GDNF: variants seen among roughly 807,000 people sequenced by gnomAD.
GDNF encodes the protein glial cell derived neurotrophic factor.
GDNF carries 5 observed loss-of-function variants against 13.7 expected under a neutral mutation model. The observed-to-expected ratio is 0.36, with a 90% CI of 0.19 to 0.77. GDNF has a LOEUF of 0.77. GDNF is among the 30% of genes least tolerant of loss of function. The pLI is 0.51. For synonymous variants in GDNF, 122 were observed against 112.5 expected (o/e 1.08, Z -0.53); for missense variants, 246 against 274.3 (o/e 0.90, Z 0.73).
intron 2 of GDNF, among the ~76,000 whole-genome samples, chr5:37,827,064 G>T (rs1750348648): frequency 6.6e-6 from 1 of 152,126 alleles, no homozygotes; most frequent in South Asian, 2.1e-4. Context: ...TAAACTGAAG[G>T]GTAGTCTGGG....
In GDNF at chr5:37,834,622, C is replaced by A. The variant is rs79273689; in HGVS notation, c.151+24G>T. Reference sequence around the variant, plus strand: ...GCGAGGGGGTCCGCCGGCGGCCCCCCCGCGGGGAGGGAACGGTTCTTACAG... The same window carrying A: ...GCGAGGGGGTCCGCCGGCGGCCCCCACGCGGGGAGGGAACGGTTCTTACAG... On this transcript the variant is annotated intron_variant, in intron 2 of 2. Coordinates refer to ENST00000326524, the MANE Select transcript of GDNF (RefSeq NM_000514.4). 418 of 1,478,928 alleles carry A rather than the reference C, an allele frequency of 2.8e-4. No homozygotes were observed. In the African/African-American group the frequency reaches 5.5e-3, roughly 19 times the overall value. The allele number at this position is 1,478,928 out of a possible 1,614,324, so 91.6% of individuals were successfully genotyped here. A position where few individuals can be genotyped will look rare whatever the true frequency, so the allele number is the denominator to read the frequency against.
At chr5:37,825,376 T>G (rs1471001367) in intron 2 of GDNF, among the ~76,000 whole-genome samples, 1 of 152,128 alleles carries the variant, frequency 6.6e-6, no homozygotes, top group African/African-American at 2.4e-5. Context: ...TCCCCCTGGG[T>G]GGAAAGTGTC....
chr5:37,831,431 T>C (rs56000387), intron 2 of GDNF, among the ~76,000 whole-genome samples: 9,072 of 152,340 alleles, frequency 0.06, 399 homozygotes, highest in Non-Finnish European at 0.092. Flanking sequence ...TAAAACCACA[T>C]GCATTTTATG....
rs1581571046 is a variant in GDNF, at chr5:37,812,722, T to C, written c.*2929A>G. The C allele has an allele frequency of 6.6e-6, 1 of 152,206 alleles. No individual in the cohort carries two copies. The highest frequency in any genetic ancestry group is 2.4e-5 in the African/African-American group (1 of 41,446). The allele number at this position is 152,206 out of a possible 1,614,324, so 9.4% of individuals were successfully genotyped here. A position where few individuals can be genotyped will look rare whatever the true frequency, so the allele number is the denominator to read the frequency against. On this transcript the variant is annotated 3_prime_UTR_variant, in exon 3 of 3. Coordinates refer to ENST00000326524, the MANE Select transcript of GDNF (RefSeq NM_000514.4). ...TTTGTAAAAAGTTACAAAATGATAT[T>C]GTACAAAAATAAAGTCTGTAGAGAA...
chr5:37,835,335 T>C, intron 1 of GDNF: 1 of 716,436 alleles, frequency 1.4e-6, no homozygotes, highest in Non-Finnish European at 2.1e-6. Flanking sequence ...CGCATTCCCC[T>C]GCCTCGGGTC....
At chr5:37,819,040 G>A (rs1472128142) in intron 2 of GDNF, among the ~76,000 whole-genome samples, 1 of 152,190 alleles carries the variant, frequency 6.6e-6, no homozygotes, top group African/African-American at 2.4e-5. Flanking sequence ...CCAAGAGGCA[G>A]GAACTCTGTC....
chr5:37,833,331 G>T (rs948869988), intron 2 of GDNF, among the ~76,000 whole-genome samples: 2 of 152,148 alleles, frequency 1.3e-5, no homozygotes, highest in Non-Finnish European at 2.9e-5. Flanking sequence ...ATTTGTGATG[G>T]AAATAAAAGC....
intron 2 of GDNF, among the ~76,000 whole-genome samples, chr5:37,820,508 C>T (rs1750095179): frequency 6.6e-6 from 1 of 152,178 alleles, no homozygotes; most frequent in Non-Finnish European, 1.5e-5. Flanking sequence ...ATAGTGAATA[C>T]ACGTCATAGC....
chr5:37,826,749 G>A (rs1185595031), intron 2 of GDNF, among the ~76,000 whole-genome samples: 1 of 152,200 alleles, frequency 6.6e-6, no homozygotes, highest in East Asian at 1.9e-4. Flanking sequence ...CATGTGCCAT[G>A]TCCTAAAATG....
At chr5:37,826,651 G>T (rs1750324147) in intron 2 of GDNF, among the ~76,000 whole-genome samples, 1 of 152,204 alleles carries the variant, frequency 6.6e-6, no homozygotes, top group Non-Finnish European at 1.5e-5. Context: ...TCAGACTGAG[G>T]CACCTGGCCC....
chr5:37,825,213 A>G (rs1459167358), intron 2 of GDNF, among the ~76,000 whole-genome samples: 1 of 152,216 alleles, frequency 6.6e-6, no homozygotes, highest in African/African-American at 2.4e-5. Flanking sequence ...AAATTACTCC[A>G]TCAATACAAA....
In GDNF at chr5:37,835,413, C is replaced by G. The variant is rs138709472; in HGVS notation, c.-26-591G>C. ...CACTCACCCAGCCTGCCGCCCACACCTCATTCTTCCCACCTAAATAGGTAT... is the reference window on the plus strand; with the variant it reads ...CACTCACCCAGCCTGCCGCCCACACGTCATTCTTCCCACCTAAATAGGTAT... On this transcript the variant is annotated intron_variant, in intron 1 of 2. Coordinates refer to ENST00000326524, the MANE Select transcript of GDNF (RefSeq NM_000514.4). 4,356 of 1,415,252 alleles carry G rather than the reference C, an allele frequency of 3.1e-3. 6 individuals carry two copies. The highest frequency in any genetic ancestry group is 3.6e-3 in the Non-Finnish European group (3,868 of 1,087,468). The allele number at this position is 1,415,252 out of a possible 1,614,324, so 87.7% of individuals were successfully genotyped here.
intron 2 of GDNF, among the ~76,000 whole-genome samples, chr5:37,827,568 G>A (rs193296870): frequency 6.6e-6 from 1 of 152,196 alleles, no homozygotes; most frequent in Admixed American, 6.5e-5. Flanking sequence ...ATTTCCTCCT[G>A]GCCAGGCCCC....
At chr5:37,828,275 G>A (rs1434793848) in intron 2 of GDNF, among the ~76,000 whole-genome samples, 1 of 152,204 alleles carries the variant, frequency 6.6e-6, no homozygotes, top group Non-Finnish European at 1.5e-5. Flanking sequence ...TTGTTGCAAA[G>A]AGTTAGGGAG....
intron 2 of GDNF, among the ~76,000 whole-genome samples, chr5:37,827,208 T>TAAAA (rs768949479): frequency 2.8e-5 from 4 of 142,328 alleles, no homozygotes; most frequent in East Asian, 4.0e-4. Context: ...TCCTGGGTTT[T>TAAAA]AAAAAAAAAA....
In GDNF at chr5:37,834,649, C is replaced by CA; in HGVS notation, c.147dup (p.Asp50Ter). The CA allele has an allele frequency of 6.3e-7, 1 of 1,588,520 alleles. No individual in the cohort carries two copies. The highest frequency in any genetic ancestry group is 8.6e-7 in the Non-Finnish European group (1 of 1,168,656). ...GCGGGGAGGGAACGGTTCTTACAGT[C>CA]ACTGCTCAGCGCGAAGGGCGCGCGG... On this transcript the variant is annotated frameshift_variant, in exon 2 of 3. Coordinates refer to ENST00000326524, the MANE Select transcript of GDNF (RefSeq NM_000514.4). LOFTEE classifies it high-confidence loss of function.
At position 37,815,294 on chromosome 5, in the gene GDNF, G is replaced by A. The variant is rs940399996; in HGVS notation, c.*357C>T. The A allele has an allele frequency of 2.0e-5, 7 of 346,912 alleles. No individual in the cohort carries two copies. The highest frequency in any genetic ancestry group is 2.7e-5 in the Non-Finnish European group (5 of 183,918). 21.5% of individuals were successfully genotyped at this position (346,912 alleles called of 1,614,324 possible). On this transcript the variant is annotated 3_prime_UTR_variant, in exon 3 of 3. Transcript: ENST00000326524. This position sits in a 1 kb window ranked among gnomAD's most constrained non-coding sequence, Gnocchi z 5.0. ...CTGGTTTGGTTCAAGTGCATCCACC[G>A]CAACCGCGCCGGTAATCAGTGATGG...
rs184504628 is a variant in GDNF, at chr5:37,839,212, G to T, written c.-27+295C>A. 3.3e-3 allele frequency among the ~76,000 whole-genome samples: 506 copies of T among 152,290 alleles called. 2 individuals are homozygous for T. The highest frequency in any genetic ancestry group is 0.021 in the Middle Eastern group (6 of 292). On this transcript the variant is annotated intron_variant, in intron 1 of 2. Transcript: ENST00000326524. The surrounding 1 kb of genome is among the most constrained non-coding windows in gnomAD (Gnocchi z 5.5). ...GACGGAAGAGCACCTGGCCGAGTCG[G>T]GGAAGGAAACTGCCCCTCTTGGGCA... is the stretch of plus-strand genomic sequence containing the variant.
rs576329269 is a variant in GDNF, at chr5:37,815,355, C to G, written c.*296G>C. 7 of 475,988 alleles carry G rather than the reference C, an allele frequency of 1.5e-5. No homozygotes were observed. The East Asian group carries it at 2.7e-4, about 19-fold the overall frequency. The allele number at this position is 475,988 out of a possible 1,614,324, so 29.5% of individuals were successfully genotyped here. A position where few individuals can be genotyped will look rare whatever the true frequency, so the allele number is the denominator to read the frequency against. ...CAGCTGAAATGGTGGCAATAGCCAA[C>G]CAGGAACATCAGCCCTGAGCTTCTA... On this transcript the variant is annotated 3_prime_UTR_variant, in exon 3 of 3. Transcript: ENST00000326524. The surrounding 1 kb of genome is among the most constrained non-coding windows in gnomAD (Gnocchi z 5.0).
Sources: gnomAD v4.1 joint callset for allele counts (sites outside exome capture counted in the v4.1 genomes callset) on GRCh38, gnomAD v4.1.1 for gene constraint, Gnocchi (gnomAD v3.1) non-coding constraint, MANE v1.5 for transcripts, NCBI Gene and HGNC (gene_info 2026-07-23, HGNC 2026-07-21) for gene names.